ABCC5: variants seen among roughly 807,000 people sequenced by gnomAD.
ABCC5 encodes the protein ATP binding cassette subfamily C member 5.
ABCC5 carries 61 observed loss-of-function variants against 160.9 expected under a neutral mutation model. The ratio of observed to expected loss-of-function variants is 0.38; its 90% CI spans 0.31 to 0.47. The LOEUF (loss-of-function observed/expected upper bound fraction) is 0.47, where lower values mean the gene tolerates loss of function less well. ABCC5 is among the 20% of genes least tolerant of loss of function. The pLI, the probability that ABCC5 is intolerant of heterozygous loss-of-function variation, is 0.99. For missense variants in ABCC5, 1,308 were observed against 1,813.3 expected (o/e 0.72, Z 5.06); for synonymous variants, 666 against 700.6 (o/e 0.95, Z 0.78).
intron 16 of ABCC5, 152 bp from the exon 17 acceptor site, chr3:183,959,987 T>C: frequency 3.6e-6 from 2 of 559,592 alleles, no homozygotes; most frequent in East Asian, 6.0e-5. Context: ...TCATTTCTTG[T>C]ACTTCCTCAT....
At position 183,971,938 on chromosome 3, in the gene ABCC5, G is replaced by A; in HGVS notation, c.1405-19C>T. On this transcript the variant is annotated intron_variant, in intron 10 of 29. Transcript: ENST00000334444. Reference sequence around the variant, plus strand: ...ACAAACTCTGATAGGAGTTGTGAGAGAGGTGCAAAGATGAGACACTGGATC... The same window carrying A: ...ACAAACTCTGATAGGAGTTGTGAGAAAGGTGCAAAGATGAGACACTGGATC... The A allele has an allele frequency of 1.2e-6, 2 of 1,612,934 alleles. No homozygotes were observed. The highest frequency in any genetic ancestry group is 1.7e-6 in the Non-Finnish European group (2 of 1,180,010).
chr3:183,936,797 C>T (rs1407776526), intron 26 of ABCC5, among the ~76,000 whole-genome samples: 2 of 152,154 alleles, frequency 1.3e-5, no homozygotes, highest in Non-Finnish European at 2.9e-5. Context: ...CGTGAGCCAC[C>T]GTGCCAGGCC....
chr3:183,979,620 G>A (rs566617669), intron 8 of ABCC5, among the ~76,000 whole-genome samples: 37 of 152,264 alleles, frequency 2.4e-4, no homozygotes, highest in African/African-American at 8.9e-4. Flanking sequence ...TCGCTCTGTT[G>A]CTCAGGCTGG....
intron 23 of ABCC5, among the ~76,000 whole-genome samples, chr3:183,947,072 A>G (rs1411335575): frequency 6.6e-6 from 1 of 152,232 alleles, no homozygotes; most frequent in East Asian, 1.9e-4. Flanking sequence ...TGAAGAAAAC[A>G]GCATCTACTT....
At chr3:183,969,652 A>G (rs1233081395) in intron 11 of ABCC5, among the ~76,000 whole-genome samples, 1 of 149,720 alleles carries the variant, frequency 6.7e-6, no homozygotes, top group African/African-American at 2.5e-5. Flanking sequence ...AGATCGTGCT[A>G]CTGCACTCTA....
At chr3:183,971,404 G>T in intron 11 of ABCC5, among the ~76,000 whole-genome samples, 159 bp downstream of exon 11, 1 of 151,352 alleles carries the variant, frequency 6.6e-6, no homozygotes, top group South Asian at 2.1e-4. Context: ...TGCTTAGTTG[G>T]TTTTTTTTTA....
In ABCC5 at chr3:183,987,377, A is replaced by G; in HGVS notation, c.591+393T>C. The stretch of plus-strand genomic sequence containing the variant: ...TGCCAAACATGTGATAACTGCCTCC[A>G]GGCACTTGGTATGTTCCCGGTGCTG... On this transcript the variant is annotated intron_variant, in intron 5 of 29. Coordinates refer to ENST00000334444, the MANE Select transcript of ABCC5 (RefSeq NM_005688.4). The surrounding 1 kb of genome is among the most constrained non-coding windows in gnomAD (Gnocchi z 4.2). The G allele has an allele frequency of 9.2e-6, 4 of 434,142 alleles. No individual in the cohort carries two copies. Among genetic ancestry groups the G allele is most frequent in the East Asian group, 7.3e-5 (2 of 27,264 alleles). 26.9% of individuals were successfully genotyped at this position (434,142 alleles called of 1,614,324 possible).
rs762941293 is a variant in ABCC5 at position 183,928,875 on chromosome 3, T to G, written c.3855-50A>C. On this transcript the variant is annotated intron_variant, in intron 26 of 29. Coordinates refer to ENST00000334444, the MANE Select transcript of ABCC5 (RefSeq NM_005688.4). ...CAGTGGTCCCACCCTAAGCGACCCATTGGCAAAGGCTGTCTGTGGAAGATG... is the reference window on the plus strand; with the variant it reads ...CAGTGGTCCCACCCTAAGCGACCCAGTGGCAAAGGCTGTCTGTGGAAGATG... The G allele has an allele frequency of 1.2e-5, 18 of 1,488,554 alleles. No individual in the cohort carries two copies. In the South Asian group the frequency reaches 2.0e-4, roughly 17 times the overall value. The allele number at this position is 1,488,554 out of a possible 1,614,324, so 92.2% of individuals were successfully genotyped here.
At chr3:184,001,670 A>G (rs1415505857) in intron 2 of ABCC5, among the ~76,000 whole-genome samples, 2 of 152,216 alleles carry the variant, frequency 1.3e-5, no homozygotes, top group East Asian at 1.9e-4. Flanking sequence ...CAAAATGTCA[A>G]TCGTACTAAG....
In ABCC5 at chr3:184,014,360, G is replaced by A. The variant is rs149771800; in HGVS notation, c.33C>T (p.Ile11=). The A allele has an allele frequency of 2.2e-5, 36 of 1,613,526 alleles. No homozygotes were observed. Among genetic ancestry groups the A allele is most frequent in the African/African-American group, 1.5e-4 (11 of 74,872 alleles). The change falls in exon 2 of 30, where the codon ATC becomes ATT. Residue 11 remains isoleucine, a synonymous_variant. Transcript: ENST00000334444. MKDIDIGKEY[I]IPSPGYRSVR... is the part of the protein sequence containing the mutation. ...CACTTCTATACCCAGGACTGGGGAT[G>A]ATATACTCTTTTCCTATGTCGATAT...
intron 8 of ABCC5, 89 bp downstream of exon 8, chr3:183,981,638 T>G: frequency 7.1e-7 from 1 of 1,407,536 alleles, no homozygotes; most frequent in South Asian, 1.2e-5. Context: ...TAGTACGTAA[T>G]GTGCTCAGAA....
chr3:184,016,163 A>C (rs761183715), intron 1 of ABCC5, among the ~76,000 whole-genome samples: 2 of 152,230 alleles, frequency 1.3e-5, no homozygotes, highest in Non-Finnish European at 2.9e-5. Context: ...AGAGGCAGGG[A>C]CAAAACGACT....
At position 183,982,623 on chromosome 3, in the gene ABCC5, A is replaced by G. The variant is rs1197562761; in HGVS notation, c.827T>C (p.Leu276Pro). ...CCCATCGTTGGAGCAAATGTTGATG[A>G]GCTATAAGATACAAAGAGTAGTGAG... ...KNIKEKSLGE[L>P]INICSNDGQR... Residue 276 changes from leucine to proline, a missense_variant and splice_region_variant, in exon 7 of 30, where the codon CTC (leucine) becomes CCC (proline). Coordinates refer to ENST00000334444, the MANE Select transcript of ABCC5 (RefSeq NM_005688.4). This position sits in a 1 kb window ranked among gnomAD's most constrained non-coding sequence, Gnocchi z 5.2. 1.9e-6 allele frequency: 3 copies of G among 1,614,174 alleles called. No individual in the cohort carries two copies. The highest frequency in any genetic ancestry group is 1.7e-5 in the Admixed American group (1 of 60,022).
chr3:183,951,331 T>C lies in ABCC5; in HGVS notation c.2944+110A>G. ...TCCTGGTGAAAACACCAGCAGTCAC[T>C]GTGCTCTCAGGATCTACAGACAGAC... On this transcript the variant is annotated intron_variant, in intron 20 of 29. Coordinates refer to ENST00000334444, the MANE Select transcript of ABCC5 (RefSeq NM_005688.4). This position sits in a 1 kb window ranked among gnomAD's most constrained non-coding sequence, Gnocchi z 4.7. The C allele has an allele frequency of 7.1e-7, 1 of 1,411,656 alleles. No individual in the cohort carries two copies. The allele number at this position is 1,411,656 out of a possible 1,614,324, so 87.4% of individuals were successfully genotyped here.
At chr3:184,000,292 AAGATCATGCCACTGCAC>A (rs962849075) in intron 2 of ABCC5, among the ~76,000 whole-genome samples, 2 of 152,060 alleles carry the variant, frequency 1.3e-5, no homozygotes, top group African/African-American at 2.4e-5. Flanking sequence ...GAAGTGAGCC[AAGATCATGCCACTGCAC>A]TCCAGCCTGG....
At chr3:183,928,865 A>G in intron 26 of ABCC5, 40 bp from the exon 27 acceptor site, 1 of 1,564,242 alleles carries the variant, frequency 6.4e-7, no homozygotes, top group East Asian at 2.2e-5. Flanking sequence ...GTCCCACCCT[A>G]AGCGACCCAT....
In ABCC5 at chr3:183,978,777, A is replaced by G. The variant is rs1023678432; in HGVS notation, c.1148-126T>C. The stretch of plus-strand genomic sequence containing the variant: ...TTCAACACCTATGACTATCAACTCT[A>G]CCACTAAAGCTGGTATAAAAGGCTG... On this transcript the variant is annotated intron_variant, in intron 8 of 29. Transcript: ENST00000334444. The G allele has an allele frequency of 5.0e-6, 5 of 1,004,740 alleles. No homozygotes were observed. The African/African-American group carries it at 6.5e-5, about 13-fold the overall frequency. 62.2% of individuals were successfully genotyped at this position (1,004,740 alleles called of 1,614,324 possible).
intron 9 of ABCC5, 82 bp downstream of exon 9, chr3:183,978,421 T>G (rs1718412363): frequency 6.5e-7 from 1 of 1,531,078 alleles, no homozygotes; most frequent in Non-Finnish European, 8.8e-7. Context: ...CTCCACCACC[T>G]GGGTTCAAGT....
At chr3:183,989,431 G>A in intron 2 of ABCC5, 48 bp from the exon 3 acceptor site, 6 of 1,595,948 alleles carry the variant, frequency 3.8e-6, no homozygotes, top group Non-Finnish European at 5.1e-6. Flanking sequence ...TAATACACAG[G>A]CGAGAGGCAA....
Sources: gnomAD v4.1 joint callset for allele counts (sites outside exome capture counted in the v4.1 genomes callset) on GRCh38, gnomAD v4.1.1 for gene constraint, Gnocchi (gnomAD v3.1) non-coding constraint, MANE v1.5 for transcripts, NCBI Gene and HGNC (gene_info 2026-07-23, HGNC 2026-07-21) for gene names.